Variants in INSR observed in about 807,000 individuals in gnomAD.
The protein encoded by INSR is IR.
A neutral mutation model predicts 142.6 loss-of-function variants in INSR; 67 were observed. The observed-to-expected ratio is 0.47, with a 90% confidence interval of 0.39 to 0.58. INSR has a LOEUF of 0.58. Among genes scored for constraint, INSR ranks in the 20% least tolerant of loss-of-function variants. INSR has a pLI of 0.00. For synonymous variants in INSR, 756 were observed against 743.1 expected, an observed-to-expected ratio of 1.02 and a Z score of -0.28; for missense variants, 1,248 against 1,833.2, an observed-to-expected ratio of 0.68 and a Z score of 5.83.
intron 17 of INSR, among the ~76,000 whole-genome samples, chr19:7,124,437 G>T (rs1250944950): frequency 1.4e-5 from 2 of 144,396 alleles, no homozygotes; most frequent in African/African-American, 5.1e-5. Flanking sequence ...TACTCGGGAG[G>T]CTGAGGCAGG....
rs112869411 is a variant in INSR at position 7,243,151 on chromosome 19, C to T, written c.652+24194G>A. On this transcript the variant is annotated intron_variant, in intron 2 of 21. Coordinates refer to ENST00000302850, the MANE Select transcript of INSR (RefSeq NM_000208.4). The stretch of plus-strand genomic sequence containing the variant: ...GTAGTGGTTCTAACGTGACACAGCC[C>T]TACAAAAATAAAGATGAATCACGGC... Among the ~76,000 whole-genome samples the T allele has an allele frequency of 3.5e-3, 528 of 150,602 alleles. 6 individuals are homozygous for T. Among genetic ancestry groups the T allele is most frequent in the African/African-American group, 0.012 (503 of 41,022 alleles).
chr19:7,200,859 CA>C (rs59770137), intron 2 of INSR, among the ~76,000 whole-genome samples: 5,428 of 76,090 alleles, frequency 0.071, 244 homozygotes, highest in African/African-American at 0.23. Flanking sequence ...GACCTTATCT[CA>C]AAAAAAAAAA....
chr19:7,226,413 G>GAAAAAA (rs71177176), intron 2 of INSR, among the ~76,000 whole-genome samples: 1 of 89,656 alleles, frequency 1.1e-5, no homozygotes, highest in Admixed American at 1.3e-4. Context: ...CGTCTCAAGG[G>GAAAAAA]AAAAAAAAAA....
intron 13 of INSR, among the ~76,000 whole-genome samples, chr19:7,136,732 A>G (rs978493248): frequency 2.6e-5 from 4 of 152,008 alleles, no homozygotes; most frequent in Non-Finnish European, 5.9e-5. Flanking sequence ...GAACCTTTTC[A>G]TAGACACATT....
chr19:7,138,618 C>G (rs185054796), intron 13 of INSR, among the ~76,000 whole-genome samples: 72 of 152,210 alleles, frequency 4.7e-4, no homozygotes, highest in African/African-American at 1.7e-3. Context: ...GCAATCCTCC[C>G]ACCTCAGCTT....
chr19:7,175,757 C>T (rs996152343), intron 3 of INSR, among the ~76,000 whole-genome samples: 2 of 151,898 alleles, frequency 1.3e-5, no homozygotes, highest in Non-Finnish European at 2.9e-5. Flanking sequence ...ATCGCTTGAA[C>T]CTGGGAGGCA....
In INSR at chr19:7,158,370, G is replaced by A. The variant is rs376025776; in HGVS notation, c.2029+4662C>T. Among the ~76,000 whole-genome samples, 304 of 152,062 alleles carry A rather than the reference G, an allele frequency of 2.0e-3. 2 individuals carry two copies. The highest frequency in any genetic ancestry group is 4.6e-3 in the African/African-American group (191 of 41,508). ...CAAAAAATTAGCCGGGCGTGGTGGCGGGCGCCTGTAGTCCCAGCTACTCGG... is the reference window on the plus strand; with the variant it reads ...CAAAAAATTAGCCGGGCGTGGTGGCAGGCGCCTGTAGTCCCAGCTACTCGG... On this transcript the variant is annotated intron_variant, in intron 9 of 21. Transcript: ENST00000302850.
intron 1 of INSR, among the ~76,000 whole-genome samples, chr19:7,283,722 G>A (rs930880763): frequency 2.6e-5 from 4 of 152,190 alleles, no homozygotes; most frequent in African/African-American, 9.6e-5. Flanking sequence ...TTACGGGTAT[G>A]AGCCACAGAT....
intron 1 of INSR, among the ~76,000 whole-genome samples, chr19:7,269,906 G>A (rs1967863632): frequency 6.6e-6 from 1 of 151,882 alleles, no homozygotes; most frequent in African/African-American, 2.4e-5. Context: ...GTAATGTTTG[G>A]GACATAACTT....
chr19:7,218,086 T>G (rs1023046225), intron 2 of INSR, among the ~76,000 whole-genome samples: 1 of 151,534 alleles, frequency 6.6e-6, no homozygotes, highest in Non-Finnish European at 1.5e-5. Flanking sequence ...GAAGAGAGAT[T>G]GCAAAACGGT....
At chr19:7,235,799 C>T (rs1279956630) in intron 2 of INSR, among the ~76,000 whole-genome samples, 2 of 151,788 alleles carry the variant, frequency 1.3e-5, no homozygotes, top group African/African-American at 2.4e-5. Flanking sequence ...TGAACTCCAG[C>T]CTGGGCAACA....
At chr19:7,186,542 T>C (rs1231367990) in intron 2 of INSR, among the ~76,000 whole-genome samples, 1 of 152,120 alleles carries the variant, frequency 6.6e-6, no homozygotes. Flanking sequence ...TATAGTTCAG[T>C]GGTATTAAAT....
intron 2 of INSR, among the ~76,000 whole-genome samples, chr19:7,190,555 A>C (rs894071393): frequency 1.3e-5 from 2 of 152,088 alleles, no homozygotes; most frequent in East Asian, 3.9e-4. Flanking sequence ...TATTTTTAGT[A>C]GAGATGGGGT....
rs1023159000 is a variant in INSR, at chr19:7,294,093, A to G, written c.-202T>C. 31 of 339,444 alleles carry G rather than the reference A, an allele frequency of 9.1e-5. No homozygotes were observed. Among genetic ancestry groups the G allele is most frequent in the Middle Eastern group, 1.1e-3 (1 of 952 alleles). The allele number at this position is 339,444 out of a possible 1,614,324, so 21.0% of individuals were successfully genotyped here. On this transcript the variant is annotated 5_prime_UTR_variant, in exon 1 of 22. Transcript: ENST00000302850. ...GGCGCGCGCGGCTTCGCCAGCTACAAATACTGAGCGGAGGCCCTTGCGGTG... is the reference window on the plus strand; with the variant it reads ...GGCGCGCGCGGCTTCGCCAGCTACAGATACTGAGCGGAGGCCCTTGCGGTG...
chr19:7,163,870 TG>T (rs942450728), intron 8 of INSR, among the ~76,000 whole-genome samples: 46 of 133,554 alleles, frequency 3.4e-4, no homozygotes, highest in African/African-American at 1.3e-3. Flanking sequence ...CTGAATCACC[TG>T]AGATCAGGAG....
At chr19:7,126,224 TG>T (rs781515979) in intron 16 of INSR, among the ~76,000 whole-genome samples, 11 of 151,958 alleles carry the variant, frequency 7.2e-5, no homozygotes, top group Non-Finnish European at 1.3e-4. Context: ...ACCAGACATG[TG>T]AGTGAAATCA....
intron 2 of INSR, among the ~76,000 whole-genome samples, chr19:7,228,063 T>C (rs1227959103): frequency 6.6e-6 from 1 of 152,052 alleles, no homozygotes; most frequent in Non-Finnish European, 1.5e-5. Context: ...AGGGCCCCCA[T>C]GGGTCCTGCT....
intron 2 of INSR, among the ~76,000 whole-genome samples, chr19:7,232,198 A>T (rs1293530576): frequency 7.3e-6 from 1 of 136,574 alleles, no homozygotes; most frequent in Non-Finnish European, 1.6e-5. Context: ...AATGCTTCAG[A>T]TCTGTGCATT....
chr19:7,288,608 C>T (rs117701508), intron 1 of INSR, among the ~76,000 whole-genome samples: 1,980 of 149,286 alleles, frequency 0.013, 23 homozygotes, highest in Non-Finnish European at 0.02. Context: ...CTCTGCACTC[C>T]AGCCTGGGTG....
Sources: allele counts gnomAD v4.1 joint callset (sites outside exome capture counted in the v4.1 genomes callset), GRCh38; gene constraint gnomAD v4.1.1; transcripts MANE v1.5; gene names NCBI Gene and HGNC (gene_info 2026-07-23, HGNC 2026-07-21).